Variants in FER observed in about 807,000 individuals in gnomAD.
FER encodes FER tyrosine kinase.
In FER, 63 loss-of-function variants were observed where a neutral mutation model predicts 111.0. That is an observed-to-expected ratio of 0.57 (90% CI 0.46 to 0.70). The LOEUF (loss-of-function observed/expected upper bound fraction) is 0.70, where lower values mean the gene tolerates loss of function less well. Among genes scored for constraint, FER ranks in the 30% least tolerant of loss-of-function variants. The pLI, the probability that FER is intolerant of heterozygous loss-of-function variation, is 0.00. For missense variants in FER, 914 were observed against 954.0 expected (o/e 0.96, Z 0.55); for synonymous variants, 327 against 313.9 (o/e 1.04, Z -0.44).
intron 10 of FER, among the ~76,000 whole-genome samples, chr5:108,909,395 A>G (rs1172858631): frequency 6.6e-6 from 1 of 152,204 alleles, no homozygotes; most frequent in Non-Finnish European, 1.5e-5. Flanking sequence ...TGTGATCTGA[A>G]ACTAAGGAAA....
chr5:108,912,047 T>C (rs1751625892), intron 10 of FER, among the ~76,000 whole-genome samples: 1 of 152,192 alleles, frequency 6.6e-6, no homozygotes, highest in African/African-American at 2.4e-5. Flanking sequence ...CCTCTTTTGC[T>C]TGGCTCTCAT....
chr5:108,993,593 G>A (rs1561736813), intron 13 of FER, among the ~76,000 whole-genome samples: 3 of 113,334 alleles, frequency 2.6e-5, no homozygotes, highest in African/African-American at 9.8e-5. Flanking sequence ...GGGAGAGGGA[G>A]AGGGCGAGGG....
At chr5:109,123,467 TG>T (rs201931943) in intron 17 of FER, among the ~76,000 whole-genome samples, 7 of 151,690 alleles carry the variant, frequency 4.6e-5, no homozygotes, top group Non-Finnish European at 8.8e-5. Context: ...GTTTTTTTGT[TG>T]GTTTTTTTTT....
intron 6 of FER, among the ~76,000 whole-genome samples, chr5:108,870,714 C>A (rs114746528): frequency 3.2e-3 from 482 of 152,184 alleles, no homozygotes; most frequent in Admixed American, 3.9e-3. Context: ...TCTACACTTG[C>A]TGTTGACAGT....
intron 5 of FER, among the ~76,000 whole-genome samples, chr5:108,860,034 C>T (rs953734199): frequency 2.6e-5 from 4 of 151,368 alleles, no homozygotes; most frequent in South Asian, 2.1e-4. Flanking sequence ...CTCCACCTCC[C>T]GGGTTCCAGT....
intron 11 of FER, among the ~76,000 whole-genome samples, chr5:108,953,900 ACAACAT>A (rs1414485645): frequency 9.2e-5 from 14 of 152,238 alleles, no homozygotes; most frequent in African/African-American, 3.4e-4. Flanking sequence ...AACAACAACA[ACAACAT>A]CAACAAGATT....
At chr5:108,844,994 G>GTATATATATATATATATATATATA (rs1761749156) in intron 5 of FER, among the ~76,000 whole-genome samples, 2 of 42,634 alleles carry the variant, frequency 4.7e-5, no homozygotes, top group African/African-American at 1.5e-4. Context: ...GTGTGTGTGT[G>GTATATATATATATATATATATATA]TGTATATATA....
chr5:109,045,968 C>CA (rs1449620297), intron 15 of FER, among the ~76,000 whole-genome samples: 1 of 152,158 alleles, frequency 6.6e-6, no homozygotes, highest in Non-Finnish European at 1.5e-5. Flanking sequence ...AGTGATTAAG[C>CA]AAGTTGTTTC....
rs751189127 is a variant in FER at position 108,946,151 on chromosome 5, A to G, written c.1258A>G (p.Lys420Glu). The G allele has an allele frequency of 3.1e-6, 5 of 1,612,054 alleles. No homozygotes were observed. The Admixed American group carries it at 8.3e-5, about 27-fold the overall frequency. ...TSMERKERLS[K>E]FESIRHSIAG... ...CCAGGAAAGAAAGGAGAGGCTATCC[A>G]AATTTGAATCTATTCGTCATTCAAT... is the stretch of plus-strand genomic sequence containing the variant. The change falls in exon 11 of 20, where the codon AAA (lysine) becomes GAA (glutamate). Residue 420 changes from lysine (K) to glutamate (E), a missense_variant. Physicochemically the swap from Lys to Glu is moderately conservative, Grantham distance 56. Transcript: ENST00000281092.
At chr5:109,066,787 G>A (rs1401940476) in intron 16 of FER, among the ~76,000 whole-genome samples, 3 of 152,074 alleles carry the variant, frequency 2.0e-5, no homozygotes, top group Middle Eastern at 3.2e-3. Context: ...TACAAAATAC[G>A]CTGGTGAAAA....
At chr5:108,845,019 T>TATATATACATATATATATATAC (rs1761804216) in intron 5 of FER, among the ~76,000 whole-genome samples, 2 of 51,548 alleles carry the variant, frequency 3.9e-5, no homozygotes, top group Non-Finnish European at 7.6e-5. Flanking sequence ...TATATATATA[T>TATATATACATATATATATATAC]ATATATATAT....
At chr5:109,155,615 A>G (rs1408944444) in intron 17 of FER, among the ~76,000 whole-genome samples, 1 of 152,018 alleles carries the variant, frequency 6.6e-6, no homozygotes, top group Non-Finnish European at 1.5e-5. Flanking sequence ...TAGAAAGGGA[A>G]CTACAGCACT....
chr5:108,906,298 T>C (rs976484208), intron 10 of FER, among the ~76,000 whole-genome samples: 1 of 152,218 alleles, frequency 6.6e-6, no homozygotes, highest in Admixed American at 6.5e-5. Context: ...GGTCTTTTTT[T>C]CCCTGTTCTT....
intron 13 of FER, among the ~76,000 whole-genome samples, chr5:109,035,857 C>T (rs1175120980): frequency 2.0e-5 from 3 of 152,094 alleles, no homozygotes; most frequent in East Asian, 1.9e-4. Flanking sequence ...TTAATGGGTA[C>T]GAAGTAATGA....
intron 3 of FER, among the ~76,000 whole-genome samples, chr5:108,818,977 C>T (rs922277837): frequency 2.0e-5 from 3 of 151,962 alleles, no homozygotes; most frequent in African/African-American, 7.3e-5. Context: ...TAATTTGTAA[C>T]CAGTTTAATA....
chr5:109,186,164 T>G (rs1393875392), intron 18 of FER, 36 bp from the exon 19 acceptor site: 2 of 1,613,912 alleles, frequency 1.2e-6, no homozygotes, highest in South Asian at 1.1e-5. Flanking sequence ...TTGTCTACTG[T>G]GCCTCATGTG....
At chr5:108,777,849 C>T (rs368808772) in intron 2 of FER, among the ~76,000 whole-genome samples, 36 of 152,208 alleles carry the variant, frequency 2.4e-4, no homozygotes, top group African/African-American at 6.5e-4. Context: ...CATCAGATCT[C>T]GTGAGACCCA....
intron 5 of FER, among the ~76,000 whole-genome samples, chr5:108,852,979 G>T (rs1210229557): frequency 6.6e-6 from 1 of 151,818 alleles, no homozygotes; most frequent in African/African-American, 2.4e-5. Flanking sequence ...GCTTAGTTTT[G>T]ATAAGTAAAC....
At chr5:108,795,614 C>G (rs1393267087) in intron 2 of FER, among the ~76,000 whole-genome samples, 3 of 151,976 alleles carry the variant, frequency 2.0e-5, no homozygotes, top group African/African-American at 7.3e-5. Context: ...CTCACTAATT[C>G]TTTCTTCTGC....
Sources: gnomAD v4.1 joint callset for allele counts (sites outside exome capture counted in the v4.1 genomes callset) on GRCh38, gnomAD v4.1.1 for gene constraint, MANE v1.5 for transcripts, NCBI Gene and HGNC (gene_info 2026-07-23, HGNC 2026-07-21) for gene names.